The following CREM variants were observed in gnomAD, a reference collection of about 807,000 sequenced individuals.
CREM encodes the protein cAMP-responsive element modulator.
Under a neutral mutation model 37.3 loss-of-function variants are expected in CREM, and 13 were observed. That is an observed-to-expected ratio of 0.35 (90% confidence interval 0.23 to 0.55). The LOEUF is 0.55. Among genes scored for constraint, CREM ranks in the 20% least tolerant of loss-of-function variants. The pLI is 0.88. For missense variants in CREM, 296 were observed against 362.3 expected (o/e 0.82, Z 1.49); for synonymous variants, 124 against 120.2 (o/e 1.03, Z -0.21).
intron 2 of CREM, among the ~76,000 whole-genome samples, chr10:35,142,098 ACG>A (rs2091513340): frequency 6.6e-6 from 1 of 152,150 alleles, no homozygotes; most frequent in Admixed American, 6.5e-5. Context: ...ATGTGAAGTA[ACG>A]GAGATAGTAG....
In CREM at chr10:35,211,465, A is replaced by T; in HGVS notation, c.*67A>T. ...AGATGCAGCAGTCCTACTTATTGCC[A>T]TGTGGACTTGTGGGAAGGACACGTG... is the stretch of plus-strand genomic sequence containing the variant. On this transcript the variant is annotated 3_prime_UTR_variant, in exon 8 of 8. Transcript: ENST00000685392. The T allele has an allele frequency of 6.4e-7, 1 of 1,565,444 alleles. No individual in the cohort carries two copies. Among genetic ancestry groups the T allele is most frequent in the Non-Finnish European group, 8.7e-7 (1 of 1,154,368 alleles).
At chr10:35,142,673 A>G (rs750822743) in intron 2 of CREM, among the ~76,000 whole-genome samples, 1 of 152,136 alleles carries the variant, frequency 6.6e-6, no homozygotes, top group Non-Finnish European at 1.5e-5. Flanking sequence ...TGGCACGATT[A>G]TGGCGCACTG....
At chr10:35,206,791 C>T (rs2095535901) in intron 6 of CREM, 104 bp from the exon 7 acceptor site, 1 of 1,038,794 alleles carries the variant, frequency 9.6e-7, no homozygotes, top group Admixed American at 1.9e-5. Context: ...TACAAGATCA[C>T]CTCTTATGAG....
chr10:35,146,715 C>T (rs1411359908), intron 2 of CREM, among the ~76,000 whole-genome samples: 1 of 152,124 alleles, frequency 6.6e-6, no homozygotes, highest in African/African-American at 2.4e-5. Context: ...GGTATAATTG[C>T]TCTAAATTGT....
At chr10:35,185,150 T>C (rs1287892112) in intron 5 of CREM, among the ~76,000 whole-genome samples, 2 of 151,212 alleles carry the variant, frequency 1.3e-5, no homozygotes, top group Non-Finnish European at 2.9e-5. Flanking sequence ...TTGTCCAGGC[T>C]GGTGTGCAAT....
At chr10:35,137,747 C>T (rs566393510) in intron 1 of CREM, 35 bp from the exon 2 acceptor site, 281 of 935,332 alleles carry the variant, frequency 3.0e-4, no homozygotes, top group African/African-American at 2.9e-3. Flanking sequence ...TGAAATGTTA[C>T]GATCTCCCAA....
At chr10:35,196,469 A>C (rs188541611) in intron 6 of CREM, 125 of 204,154 alleles carry the variant, frequency 6.1e-4, no homozygotes, top group Admixed American at 1.1e-3. Context: ...AAACAACTTC[A>C]CTACAATTTA....
At chr10:35,147,038 T>G (rs1589425414) in intron 2 of CREM, among the ~76,000 whole-genome samples, 1 of 143,206 alleles carries the variant, frequency 7.0e-6, no homozygotes, top group African/African-American at 2.5e-5. Context: ...ATAAGTTTTT[T>G]GGGTTTTTTT....
chr10:35,182,446 CT>C (rs1590059442), intron 5 of CREM, among the ~76,000 whole-genome samples: 1 of 151,682 alleles, frequency 6.6e-6, no homozygotes, highest in Non-Finnish European at 1.5e-5. Flanking sequence ...AATTGTTCAG[CT>C]TTTATCCATG....
intron 1 of CREM, among the ~76,000 whole-genome samples, chr10:35,129,739 T>C (rs1158665607): frequency 2.0e-5 from 3 of 152,254 alleles, no homozygotes; most frequent in Non-Finnish European, 1.5e-5. Context: ...GATATTTTTA[T>C]ATTTCCTTAC....
At chr10:35,187,255 AATT>A (rs1366718863) in intron 5 of CREM, among the ~76,000 whole-genome samples, 1 of 113,216 alleles carries the variant, frequency 8.8e-6, no homozygotes, top group Non-Finnish European at 1.7e-5. Flanking sequence ...TAACATATAT[AATT>A]ATATGTATGT....
chr10:35,134,221 A>AT (rs1371719351), intron 1 of CREM, among the ~76,000 whole-genome samples: 1 of 146,624 alleles, frequency 6.8e-6, no homozygotes, highest in East Asian at 2.0e-4. Context: ...CATTTTTGTA[A>AT]TTTTTTCTTT....
chr10:35,176,713 C>T (rs1189224832), intron 3 of CREM, among the ~76,000 whole-genome samples: 3 of 151,890 alleles, frequency 2.0e-5, no homozygotes, highest in African/African-American at 7.3e-5. Context: ...CCAGCCAGTG[C>T]TGATGCTGTT....
intron 3 of CREM, among the ~76,000 whole-genome samples, chr10:35,174,899 G>A (rs955074722): frequency 6.6e-6 from 1 of 152,172 alleles, no homozygotes; most frequent in South Asian, 2.1e-4. Context: ...CCAAAGTTAA[G>A]TGATAGTTCT....
In CREM at chr10:35,127,099, G is replaced by A. The variant is rs2087905789; in HGVS notation, c.-149G>A. On this transcript the variant is annotated 5_prime_UTR_variant, in exon 1 of 8. Coordinates refer to ENST00000685392, the MANE Select transcript of CREM (RefSeq NM_183011.2). ...TGCCGGCTCCGGGTTGCTGGGCGGC[G>A]GCGCCGCTGCTGAGCGGCGGTCGGG... 6.5e-6 allele frequency: 1 copy of A among 152,764 alleles called. No homozygotes were observed. The highest frequency in any genetic ancestry group is 1.5e-5 in the Non-Finnish European group (1 of 68,130). The allele number at this position is 152,764 out of a possible 1,614,324, so 9.5% of individuals were successfully genotyped here. A position where few individuals can be genotyped will look rare whatever the true frequency, so the allele number is the denominator to read the frequency against.
Position 35,211,645 on chromosome 10 carries a change from C to A in CREM, c.*247C>A, listed in dbSNP as rs747984742. ...ATGCTTTGTTTGCCCTTTGCTTCTG[C>A]TTTTTTTCAGGGAAGCTGCCAAAGA... On this transcript the variant is annotated 3_prime_UTR_variant, in exon 8 of 8. Transcript: ENST00000685392. The A allele has an allele frequency of 5.6e-6, 9 of 1,606,530 alleles. No homozygotes were observed. The highest frequency in any genetic ancestry group is 6.8e-6 in the Non-Finnish European group (8 of 1,177,384).
At chr10:35,151,954 G>A (rs903716994) in intron 3 of CREM, among the ~76,000 whole-genome samples, 1 of 152,160 alleles carries the variant, frequency 6.6e-6, no homozygotes, top group Non-Finnish European at 1.5e-5. Context: ...TGTCTTACAA[G>A]GAGTAGGAAA....
At chr10:35,158,962 A>G (rs1436727083) in intron 3 of CREM, among the ~76,000 whole-genome samples, 1 of 151,614 alleles carries the variant, frequency 6.6e-6, no homozygotes, top group Non-Finnish European at 1.5e-5. Context: ...TCTTTCTTAG[A>G]TCTAATTAAA....
intron 6 of CREM, chr10:35,201,549 G>A (rs2095385484): frequency 6.5e-7 from 1 of 1,548,186 alleles, no homozygotes; most frequent in East Asian, 2.4e-5. Flanking sequence ...GCTGTACCGT[G>A]TTTAAAGCTT....
Sources: allele counts gnomAD v4.1 joint callset (sites outside exome capture counted in the v4.1 genomes callset), GRCh38; gene constraint gnomAD v4.1.1; transcripts MANE v1.5; gene names NCBI Gene and HGNC (gene_info 2026-07-23, HGNC 2026-07-21).